Variants in TMC5 observed in about 807,000 individuals in gnomAD.
TMC5 encodes the protein transmembrane channel-like protein 5.
Under a neutral mutation model 110.5 loss-of-function variants are expected in TMC5, and 86 were observed. The observed-to-expected ratio is 0.78, with a 90% CI of 0.65 to 0.93. The LOEUF (loss-of-function observed/expected upper bound fraction) is 0.93, where lower values mean the gene tolerates loss of function less well. TMC5 is among the 40% of genes least tolerant of loss of function. The pLI is 0.00. For missense variants in TMC5, 1,144 were observed against 1,222.8 expected, an observed-to-expected ratio of 0.94 and a Z score of 0.96; for synonymous variants, 455 against 439.5, an observed-to-expected ratio of 1.04 and a Z score of -0.44.
chr16:19,484,501 C>T (rs538821266), intron 15 of TMC5, among the ~76,000 whole-genome samples: 1 of 152,340 alleles, frequency 6.6e-6, no homozygotes, highest in South Asian at 2.1e-4. Flanking sequence ...GTGGCTCACG[C>T]CTGTAACCCC....
chr16:19,463,950 A>C lies in TMC5; in HGVS notation c.1411A>C (p.Ile471Leu). Residue 471 changes from isoleucine (I) to leucine (L), a missense_variant, in exon 8 of 22, where the codon ATC (isoleucine) becomes CTC (leucine). Transcript: ENST00000542583. Reference sequence around the variant, plus strand: ...CTCATTCATCCTGAACTTCAGCTTCATCATAATCCCTCAGTTTACCGTGGC... The same window carrying C: ...CTCATTCATCCTGAACTTCAGCTTCCTCATAATCCCTCAGTTTACCGTGGC... ...IFSFILNFSF[I>L]IIPQFTVAKK... 2 of 1,614,174 alleles carry C rather than the reference A, an allele frequency of 1.2e-6. No individual in the cohort carries two copies. Among genetic ancestry groups the C allele is most frequent in the Non-Finnish European group, 1.7e-6 (2 of 1,180,030 alleles).
chr16:19,437,697 G>A (rs906571942), intron 2 of TMC5, among the ~76,000 whole-genome samples: 7 of 152,174 alleles, frequency 4.6e-5, no homozygotes, highest in African/African-American at 1.7e-4. Context: ...AGATATGCTT[G>A]ACTTTTATTT....
intron 2 of TMC5, among the ~76,000 whole-genome samples, chr16:19,433,844 A>G (rs1967244021): frequency 6.7e-6 from 1 of 150,040 alleles, no homozygotes; most frequent in Non-Finnish European, 1.5e-5. Context: ...TTTTTGAGAC[A>G]GGGTCTCATT....
chr16:19,449,727 GA>G, intron 5 of TMC5, 96 bp downstream of exon 5: 1 of 1,080,774 alleles, frequency 9.3e-7, no homozygotes, highest in Non-Finnish European at 1.4e-6. Context: ...GAGGTGATTG[GA>G]TCATGGGGGT....
chr16:19,462,601 T>C, intron 6 of TMC5: 1 of 692,900 alleles, frequency 1.4e-6, no homozygotes, highest in South Asian at 1.5e-5. Flanking sequence ...AACTGCCCTT[T>C]ATAAAACCAT....
Position 19,440,175 on chromosome 16 carries a change from A to G in TMC5, c.137A>G (p.Asp46Gly). The change falls in exon 3 of 22, where the codon GAC becomes GGC. Residue 46 changes from aspartate to glycine, a missense_variant. Coordinates refer to ENST00000542583, the MANE Select transcript of TMC5 (RefSeq NM_001261841.2). ...PDVPGPLNNP[D>G]YPGTRSNPYS... ...GTTCCAGGTCCTCTGAACAATCCAG[A>G]CTACCCCGGCACCAGGAGCAATCCA... is the stretch of plus-strand genomic sequence containing the variant. 2 of 1,614,190 alleles carry G rather than the reference A, an allele frequency of 1.2e-6. No individual in the cohort carries two copies. Among genetic ancestry groups the G allele is most frequent in the Non-Finnish European group, 1.7e-6 (2 of 1,180,026 alleles).
At chr16:19,466,836 G>C (rs1968202438) in intron 9 of TMC5, among the ~76,000 whole-genome samples, 1 of 152,100 alleles carries the variant, frequency 6.6e-6, no homozygotes, top group South Asian at 2.1e-4. Context: ...TCAGAGAGGA[G>C]GTACAAATGG....
chr16:19,438,733 T>A (rs1260736946), intron 2 of TMC5, among the ~76,000 whole-genome samples: 2 of 151,818 alleles, frequency 1.3e-5, no homozygotes, highest in African/African-American at 4.8e-5. Context: ...GGCTACAGAG[T>A]GAGACTCCAT....
intron 8 of TMC5, among the ~76,000 whole-genome samples, chr16:19,465,276 G>A (rs191204267): frequency 6.6e-6 from 1 of 152,128 alleles, no homozygotes; most frequent in East Asian, 1.9e-4. Flanking sequence ...GCTCACTCCT[G>A]TAATCCCAGC....
chr16:19,454,405 AAG>A (rs777253043), intron 5 of TMC5, among the ~76,000 whole-genome samples: 2 of 152,184 alleles, frequency 1.3e-5, no homozygotes, highest in Non-Finnish European at 2.9e-5. Context: ...TGAAATGACT[AAG>A]AGTTCTGCTT....
chr16:19,433,123 A>G (rs1173457894), intron 2 of TMC5, among the ~76,000 whole-genome samples: 5 of 152,224 alleles, frequency 3.3e-5, no homozygotes. Context: ...CAGTCAGGCT[A>G]GTCTAAACTC....
intron 20 of TMC5, among the ~76,000 whole-genome samples, chr16:19,495,709 T>C (rs2856610): frequency 0.64 from 96,488 of 151,808 alleles, 32,243 homozygotes; most frequent in South Asian, 0.76. Flanking sequence ...CACGGTGGCA[T>C]GCAACTGTAG....
At chr16:19,443,502 T>C (rs1018275254) in intron 3 of TMC5, among the ~76,000 whole-genome samples, 1 of 152,214 alleles carries the variant, frequency 6.6e-6, no homozygotes, top group African/African-American at 2.4e-5. Flanking sequence ...ACTCACCAGT[T>C]TCTACTTGTA....
At chr16:19,431,338 C>T (rs1182132241) in intron 2 of TMC5, among the ~76,000 whole-genome samples, 7 of 151,972 alleles carry the variant, frequency 4.6e-5, no homozygotes, top group Non-Finnish European at 8.8e-5. Context: ...GTCAGGACTT[C>T]GGTAGCAGCC....
chr16:19,451,996 G>A (rs377071973), intron 5 of TMC5, among the ~76,000 whole-genome samples: 7 of 152,032 alleles, frequency 4.6e-5, no homozygotes, highest in South Asian at 2.1e-4. Context: ...ACGGGGTTTC[G>A]GCATTTTGGC....
chr16:19,459,782 G>T (rs1251348442), intron 5 of TMC5, among the ~76,000 whole-genome samples: 1 of 151,864 alleles, frequency 6.6e-6, no homozygotes, highest in Non-Finnish European at 1.5e-5. Context: ...GCCAGACATG[G>T]TGGTGCATTG....
rs2151441342 is a variant in TMC5, at chr16:19,498,138, G to A, written c.*172G>A. Reference sequence around the variant, plus strand: ...ATCAAAGTAAAATTGGGCATTCCATGCTATTTTTAATACCTGGATTGCTGA... The same window carrying A: ...ATCAAAGTAAAATTGGGCATTCCATACTATTTTTAATACCTGGATTGCTGA... On this transcript the variant is annotated 3_prime_UTR_variant, in exon 22 of 22. Transcript: ENST00000542583. 1.6e-6 allele frequency: 1 copy of A among 616,254 alleles called. No individual in the cohort carries two copies. The highest frequency in any genetic ancestry group is 2.9e-5 in the East Asian group (1 of 34,694). The allele number at this position is 616,254 out of a possible 1,614,324, so 38.2% of individuals were successfully genotyped here.
rs1287240050 is a variant in TMC5 at position 19,440,069 on chromosome 16, G to A, written c.31G>A (p.Glu11Lys). ...TGCCTACTACAGGAATAACTGGTCT[G>A]AGGAAGACCCAGATTACCCTGACTA... Reference protein sequence around the residue: MSAYYRNNWSEEDPDYPDYSG... With the variant: MSAYYRNNWSKEDPDYPDYSG... Residue 11 changes from glutamate (E) to lysine (K), a missense_variant, in exon 3 of 22, where the codon GAG becomes AAG. Transcript: ENST00000542583. 1 of 1,614,038 alleles carries A rather than the reference G, an allele frequency of 6.2e-7. No homozygotes were observed. The highest frequency in any genetic ancestry group is 8.5e-7 in the Non-Finnish European group (1 of 1,179,992).
intron 3 of TMC5, among the ~76,000 whole-genome samples, chr16:19,442,252 G>C (rs897385805): frequency 6.6e-6 from 1 of 151,884 alleles, no homozygotes; most frequent in Non-Finnish European, 1.5e-5. Context: ...CATTAGTCTG[G>C]GTTACTTAGT....
Sources: gnomAD v4.1 joint callset for allele counts (sites outside exome capture counted in the v4.1 genomes callset) on GRCh38, gnomAD v4.1.1 for gene constraint, MANE v1.5 for transcripts, NCBI Gene and HGNC (gene_info 2026-07-23, HGNC 2026-07-21) for gene names.